The following KIAA0513 variants were observed in gnomAD, a reference collection of about 807,000 sequenced individuals.
The protein encoded by KIAA0513 is KIAA0513.
KIAA0513 carries 39 observed loss-of-function variants against 56.5 expected under a neutral mutation model. The ratio of observed to expected loss-of-function variants is 0.69; its 90% CI spans 0.53 to 0.90. The LOEUF (loss-of-function observed/expected upper bound fraction) is 0.90. Among genes scored for constraint, KIAA0513 ranks in the 40% least tolerant of loss-of-function variants. The probability of loss-of-function intolerance (pLI) is 0.00; values close to 1 mark genes in which losing one functional copy is unlikely to be tolerated. For missense variants in KIAA0513, 591 were observed against 535.2 expected, an observed-to-expected ratio of 1.10 and a Z score of -1.03; for synonymous variants, 268 against 215.6, an observed-to-expected ratio of 1.24 and a Z score of -2.13.
chr16:85,046,720 T>C lies in KIAA0513; in HGVS notation c.-173+18862T>C, dbSNP rs186777781. Among the ~76,000 whole-genome samples, 562 of 152,338 alleles carry C rather than the reference T, an allele frequency of 3.7e-3. 4 individuals carry two copies. The highest frequency in any genetic ancestry group is 5.3e-3 in the Non-Finnish European group (362 of 68,026). The stretch of plus-strand genomic sequence containing the variant: ...TTCCTTTGTCATCTTCATTCTGCCG[T>C]TGAGCCTATCTAGTGGGTTTTTACA... On this transcript the variant is annotated intron_variant, in intron 1 of 12. Transcript: ENST00000683363.
chr16:85,069,886 C>A (rs959119256), intron 2 of KIAA0513, among the ~76,000 whole-genome samples: 3 of 152,072 alleles, frequency 2.0e-5, no homozygotes, highest in Non-Finnish European at 4.4e-5. Flanking sequence ...AATTTGTGGC[C>A]AGGCTCAGTG....
Position 85,052,441 on chromosome 16 carries a change from G to A in KIAA0513, c.-172-14459G>A, listed in dbSNP as rs181038574. Among the ~76,000 whole-genome samples, 300 of 152,316 alleles carry A rather than the reference G, an allele frequency of 2.0e-3. 1 individual carries two copies. The highest frequency in any genetic ancestry group is 3.7e-3 in the Non-Finnish European group (250 of 68,024). On this transcript the variant is annotated intron_variant, in intron 1 of 12. Transcript: ENST00000683363. Reference sequence around the variant, plus strand: ...GCACCAGAATCGCTTGAACCTGGGAGGCCGAGGTTCCCAGGTTCCATTGCA... The same window carrying A: ...GCACCAGAATCGCTTGAACCTGGGAAGCCGAGGTTCCCAGGTTCCATTGCA...
At chr16:85,055,760 C>G (rs1426726512) in intron 1 of KIAA0513, among the ~76,000 whole-genome samples, 2 of 152,214 alleles carry the variant, frequency 1.3e-5, no homozygotes, top group African/African-American at 4.8e-5. Context: ...ACCTCTCCCC[C>G]AGCCTGTTAT....
intron 1 of KIAA0513, among the ~76,000 whole-genome samples, chr16:85,064,973 C>A (rs2073457711): frequency 1.3e-5 from 2 of 152,244 alleles, no homozygotes; most frequent in African/African-American, 2.4e-5. Flanking sequence ...GCGTGAGCCA[C>A]CGCGCCCGGC....
chr16:85,045,410 C>T (rs916526353), intron 1 of KIAA0513, among the ~76,000 whole-genome samples: 1 of 152,168 alleles, frequency 6.6e-6, no homozygotes, highest in Non-Finnish European at 1.5e-5. Context: ...TGCTGAAGTG[C>T]AGTGGTGCAA....
At chr16:85,031,512 A>C (rs1216413081) in intron 1 of KIAA0513, among the ~76,000 whole-genome samples, 2 of 152,208 alleles carry the variant, frequency 1.3e-5, no homozygotes, top group African/African-American at 4.8e-5. Context: ...CTCTTGAGTT[A>C]AATCTTGTCT....
At chr16:85,084,818 C>G (rs752400426) in intron 10 of KIAA0513, among the ~76,000 whole-genome samples, 3 of 152,226 alleles carry the variant, frequency 2.0e-5, no homozygotes, top group Non-Finnish European at 4.4e-5. Context: ...CCGCCTCGGC[C>G]TCCCAAAGTG....
rs142409932 is a variant in KIAA0513 at position 85,053,478 on chromosome 16, G to A, written c.-172-13422G>A. The stretch of plus-strand genomic sequence containing the variant: ...GCATTCATATCTGAATAATTAATAG[G>A]GTGTAAGGATAGGCCTGGACTAGAG... On this transcript the variant is annotated intron_variant, in intron 1 of 12. Transcript: ENST00000683363. 2.4e-3 allele frequency among the ~76,000 whole-genome samples: 367 copies of A among 152,226 alleles called. 3 individuals carry two copies. Among genetic ancestry groups the A allele is most frequent in the African/African-American group, 7.7e-3 (319 of 41,540 alleles).
chr16:85,055,234 G>T lies in KIAA0513; in HGVS notation c.-172-11666G>T, dbSNP rs144539047. 3.8e-3 allele frequency among the ~76,000 whole-genome samples: 577 copies of T among 151,200 alleles called. 5 individuals are homozygous for T. The highest frequency in any genetic ancestry group is 9.0e-3 in the Admixed American group (137 of 15,182). On this transcript the variant is annotated intron_variant, in intron 1 of 12. Transcript: ENST00000683363. Reference sequence around the variant, plus strand: ...CCACCGCCCCCAGCCTCTTTTTGTGGTTTTTTTTTGTTTGTTTGATTGCTT... The same window carrying T: ...CCACCGCCCCCAGCCTCTTTTTGTGTTTTTTTTTTGTTTGTTTGATTGCTT...
intron 1 of KIAA0513, among the ~76,000 whole-genome samples, chr16:85,050,692 C>G (rs1293418284): frequency 6.6e-6 from 1 of 152,144 alleles, no homozygotes; most frequent in Non-Finnish European, 1.5e-5. Context: ...CCCTTGTTTT[C>G]CGCAGTGTGG....
chr16:85,080,715 C>G (rs900827317), intron 8 of KIAA0513, among the ~76,000 whole-genome samples: 2 of 152,156 alleles, frequency 1.3e-5, no homozygotes, highest in African/African-American at 2.4e-5. Context: ...AATGCTTGAA[C>G]CTGGGAGGCA....
chr16:85,071,921 CAAGG>C lies in KIAA0513; in HGVS notation c.429+43_429+46del, dbSNP rs765452998. 5 of 1,319,502 alleles carry C rather than the reference CAAGG, an allele frequency of 3.8e-6. No homozygotes were observed. In the Admixed American group the frequency reaches 5.4e-5, roughly 14 times the overall value. The allele number at this position is 1,319,502 out of a possible 1,614,324, so 81.7% of individuals were successfully genotyped here. A position where few individuals can be genotyped will look rare whatever the true frequency, so the allele number is the denominator to read the frequency against. On this transcript the variant is annotated intron_variant, in intron 3 of 12. Coordinates refer to ENST00000683363, the MANE Select transcript of KIAA0513 (RefSeq NM_001388359.1). ...GATGGGAAGGATGGGCGTTTACTCT[CAAGG>C]AAGAATCTAGTGAAGCATAACAAAT...
chr16:85,073,011 G>T lies in KIAA0513; in HGVS notation c.503+13G>T. On this transcript the variant is annotated intron_variant, in intron 4 of 12. Coordinates refer to ENST00000683363, the MANE Select transcript of KIAA0513 (RefSeq NM_001388359.1). ...TGGTGCTGTTCGAGTAAGTAATGCC[G>T]TGGCACAAAGCCTTTGTCCTGGCAA... is the stretch of plus-strand genomic sequence containing the variant. 1 of 1,608,906 alleles carries T rather than the reference G, an allele frequency of 6.2e-7. No homozygotes were observed. Among genetic ancestry groups the T allele is most frequent in the Non-Finnish European group, 8.5e-7 (1 of 1,175,570 alleles).
rs1253694592 is a variant in KIAA0513 at position 85,076,437 on chromosome 16, C to T, written c.574+523C>T. ...TTCCGCCTCATTGCGTTGGCACTTT[C>T]TCGTATGTTGGAGCTCAAGGGCTTC... On this transcript the variant is annotated intron_variant, in intron 5 of 12. Coordinates refer to ENST00000683363, the MANE Select transcript of KIAA0513 (RefSeq NM_001388359.1). This position sits in a 1 kb window ranked among gnomAD's most constrained non-coding sequence, Gnocchi z 4.7. Among the ~76,000 whole-genome samples, 2 of 152,156 alleles carry T rather than the reference C, an allele frequency of 1.3e-5. No individual in the cohort carries two copies. Among genetic ancestry groups the T allele is most frequent in the African/African-American group, 4.8e-5 (2 of 41,432 alleles).
intron 1 of KIAA0513, among the ~76,000 whole-genome samples, chr16:85,060,577 G>A (rs987719100): frequency 3.9e-5 from 6 of 152,170 alleles, no homozygotes; most frequent in Non-Finnish European, 1.5e-5. Flanking sequence ...GGCGGCTCAC[G>A]CCTGTAATCC....
At chr16:85,029,626 C>G (rs899073234) in intron 1 of KIAA0513, among the ~76,000 whole-genome samples, 33 of 152,292 alleles carry the variant, frequency 2.2e-4, no homozygotes, top group Non-Finnish European at 5.9e-5. Flanking sequence ...GTCTGCTTCT[C>G]TCTCCTCCCA....
At chr16:85,078,711 T>C (rs1343830727) in intron 7 of KIAA0513, among the ~76,000 whole-genome samples, 1 of 152,248 alleles carries the variant, frequency 6.6e-6, no homozygotes, top group Non-Finnish European at 1.5e-5. Flanking sequence ...GCTGTGGCCA[T>C]GCTACGGAAC....
intron 1 of KIAA0513, among the ~76,000 whole-genome samples, chr16:85,042,976 A>G (rs2073123618): frequency 6.6e-6 from 1 of 152,256 alleles, no homozygotes. Flanking sequence ...GTGATTGTAT[A>G]TAACTTCTCT....
At chr16:85,060,615 G>C (rs1040248904) in intron 1 of KIAA0513, among the ~76,000 whole-genome samples, 1 of 152,166 alleles carries the variant, frequency 6.6e-6, no homozygotes, top group African/African-American at 2.4e-5. Context: ...AAGTTGGAAG[G>C]ATTGCTGGGG....
Sources: gnomAD v4.1 joint callset for allele counts (sites outside exome capture counted in the v4.1 genomes callset) on GRCh38, gnomAD v4.1.1 for gene constraint, Gnocchi (gnomAD v3.1) non-coding constraint, MANE v1.5 for transcripts, NCBI Gene and HGNC (gene_info 2026-07-23, HGNC 2026-07-21) for gene names.